KANSL1: variants seen among roughly 807,000 people sequenced by gnomAD.
KANSL1 encodes the protein MLL1/MLL complex subunit KANSL1.
In KANSL1, 22 loss-of-function variants were observed where a neutral mutation model predicts 103.6. The observed-to-expected ratio is 0.21, with a 90% CI of 0.15 to 0.30. The LOEUF is 0.30. KANSL1 is among the 10% of genes least tolerant of loss of function. KANSL1 has a pLI of 1.00. For synonymous variants in KANSL1, 600 were observed against 527.6 expected (o/e 1.14, Z -1.88); for missense variants, 1,337 against 1,399.8 (o/e 0.96, Z 0.72).
intron 6 of KANSL1, among the ~76,000 whole-genome samples, chr17:46,051,917 A>G (rs2077724691): frequency 6.6e-6 from 1 of 152,224 alleles, no homozygotes; most frequent in Non-Finnish European, 1.5e-5. Flanking sequence ...ACGCAAATAA[A>G]GTCTTTTAAA....
intron 4 of KANSL1, among the ~76,000 whole-genome samples, chr17:46,079,746 G>T (rs1207739563): frequency 6.6e-6 from 1 of 152,202 alleles, no homozygotes; most frequent in East Asian, 1.9e-4. Flanking sequence ...GGAGGCCAAG[G>T]CCAGCGGATT....
At chr17:46,187,717 T>C (rs2047097366) in intron 1 of KANSL1, among the ~76,000 whole-genome samples, 1 of 152,354 alleles carries the variant, frequency 6.6e-6, no homozygotes, top group Non-Finnish European at 1.5e-5. Context: ...AACAACTATT[T>C]TGCCGCATTG....
intron 14 of KANSL1, 120 bp from the exon 15 acceptor site, chr17:46,031,823 G>A (rs1291958268): frequency 3.2e-5 from 34 of 1,062,024 alleles, no homozygotes; most frequent in Admixed American, 1.0e-4. Context: ...GTGTTCCTGC[G>A]ACAGTCTGGG....
At chr17:46,046,840 T>TAAAAAAAAAAAAAA in intron 7 of KANSL1, among the ~76,000 whole-genome samples, 1 of 118,686 alleles carries the variant, frequency 8.4e-6, no homozygotes, top group Non-Finnish European at 1.7e-5. Context: ...GTCTCAAAAG[T>TAAAAAAAAAAAAAA]AAAAAAAAAA....
At chr17:46,141,956 T>C (rs1448115242) in intron 2 of KANSL1, among the ~76,000 whole-genome samples, 2 of 152,324 alleles carry the variant, frequency 1.3e-5, no homozygotes, top group Middle Eastern at 3.4e-3. Context: ...TGGCATGACC[T>C]TGGCTCACTG....
chr17:46,082,178 A>C (rs1446722589), intron 4 of KANSL1, among the ~76,000 whole-genome samples: 2 of 151,910 alleles, frequency 1.3e-5, no homozygotes, highest in Non-Finnish European at 2.9e-5. Flanking sequence ...TCCCAATGAT[A>C]CTCCCTAAAG....
intron 6 of KANSL1, among the ~76,000 whole-genome samples, chr17:46,058,757 T>A (rs1372879608): frequency 0.054 from 2,448 of 45,296 alleles, 35 homozygotes; most frequent in East Asian, 0.083. Context: ...TCTCTCTCTC[T>A]CTCTCTCTCT....
chr17:46,129,559 G>A (rs2043742853), intron 2 of KANSL1, among the ~76,000 whole-genome samples: 1 of 152,190 alleles, frequency 6.6e-6, no homozygotes, highest in Admixed American at 6.5e-5. Flanking sequence ...AGAGGTCCTT[G>A]GGTCCTTGTG....
chr17:46,147,778 C>G (rs2044807743), intron 2 of KANSL1, among the ~76,000 whole-genome samples: 1 of 152,190 alleles, frequency 6.6e-6, no homozygotes, highest in Non-Finnish European at 1.5e-5. Flanking sequence ...CATGAGGCAA[C>G]TGCTGTTAAT....
At chr17:46,136,413 T>G (rs1233762982) in intron 2 of KANSL1, among the ~76,000 whole-genome samples, 1 of 152,262 alleles carries the variant, frequency 6.6e-6, no homozygotes, top group East Asian at 1.9e-4. Context: ...CTTAGTAGTA[T>G]ATAGAGACGG....
intron 1 of KANSL1, among the ~76,000 whole-genome samples, chr17:46,178,626 A>G (rs924232690): frequency 6.6e-6 from 1 of 152,262 alleles, no homozygotes; most frequent in Non-Finnish European, 1.5e-5. Flanking sequence ...GTTGGGCTAG[A>G]TAATCAATAG....
chr17:46,114,910 T>C (rs943445169), intron 2 of KANSL1, among the ~76,000 whole-genome samples: 2 of 152,180 alleles, frequency 1.3e-5, no homozygotes, highest in Non-Finnish European at 1.5e-5. Context: ...TTTAGAACAA[T>C]TTTTCTTTTT....
intron 4 of KANSL1, among the ~76,000 whole-genome samples, chr17:46,080,754 T>C (rs2078962056): frequency 6.6e-6 from 1 of 150,932 alleles, no homozygotes; most frequent in Admixed American, 6.6e-5. Flanking sequence ...CTGAACGCTT[T>C]TCAGAAAGCA....
At chr17:46,053,410 G>C (rs1465809037) in intron 6 of KANSL1, among the ~76,000 whole-genome samples, 2 of 152,022 alleles carry the variant, frequency 1.3e-5, no homozygotes, top group Non-Finnish European at 2.9e-5. Flanking sequence ...AAACTGTAAA[G>C]TACTAATAGA....
chr17:46,111,359 C>T (rs1051453713), intron 2 of KANSL1, among the ~76,000 whole-genome samples: 1 of 152,196 alleles, frequency 6.6e-6, no homozygotes, highest in Non-Finnish European at 1.5e-5. Context: ...CAGGCATGTG[C>T]TGCCAAGCCC....
intron 2 of KANSL1, among the ~76,000 whole-genome samples, chr17:46,149,491 T>G (rs553358773): frequency 2.0e-5 from 3 of 152,328 alleles, no homozygotes; most frequent in Non-Finnish European, 4.4e-5. Context: ...GGCCACACAG[T>G]CTCCGTCTCA....
chr17:46,169,915 G>A lies in KANSL1; in HGVS notation c.1289+940C>T, dbSNP rs147090223. On this transcript the variant is annotated intron_variant, in intron 2 of 14. Transcript: ENST00000432791. ...CAGTAAGATGAGGTGGGCGGATCAC[G>A]AGGTCAGGAGTTTGAGGCCAGCCTG... 1.6e-4 allele frequency among the ~76,000 whole-genome samples: 25 copies of A among 152,256 alleles called. No individual in the cohort carries two copies. In the East Asian group the frequency reaches 3.1e-3, roughly 19 times the overall value.
In KANSL1 at chr17:46,058,735, ACACACACACTCTCT is replaced by A. The variant is rs1450496403; in HGVS notation, c.1848+7788_1848+7801del. Among the ~76,000 whole-genome samples, 15 of 54,082 alleles carry A rather than the reference ACACACACACTCTCT, an allele frequency of 2.8e-4. No homozygotes were observed. The East Asian group carries it at 4.3e-3, about 15-fold the overall frequency. The allele number at this position is 54,082 out of a possible 152,430, so 35.5% of individuals were successfully genotyped here. ...AACACACACACACACACACACACAC[ACACACACACTCTCT>A]CTCTCTCTCTCTCTCTCTCTCTCTC... On this transcript the variant is annotated intron_variant, in intron 6 of 14. Transcript: ENST00000432791.
intron 2 of KANSL1, among the ~76,000 whole-genome samples, chr17:46,125,101 A>AGAGAGGGAGG (rs2043490221): frequency 5.3e-5 from 1 of 19,028 alleles, no homozygotes; most frequent in Non-Finnish European, 1.2e-4. Flanking sequence ...AGGGAGGGAG[A>AGAGAGGGAGG]GAGGGAGGGA....
Sources: allele counts gnomAD v4.1 joint callset (sites outside exome capture counted in the v4.1 genomes callset), GRCh38; gene constraint gnomAD v4.1.1; transcripts MANE v1.5; gene names NCBI Gene and HGNC (gene_info 2026-07-23, HGNC 2026-07-21).